Variants in KLF12 observed in about 807,000 individuals in gnomAD.
The protein encoded by KLF12 is KLF transcription factor 12.
KLF12 carries 9 observed loss-of-function variants against 37.8 expected under a neutral mutation model. That is an observed-to-expected ratio of 0.24 (90% CI 0.14 to 0.42). The LOEUF (loss-of-function observed/expected upper bound fraction) is 0.42. KLF12 is among the 10% of genes least tolerant of loss of function. The pLI is 1.00. For missense variants in KLF12, 411 were observed against 516.0 expected (o/e 0.80, Z 1.97); for synonymous variants, 208 against 202.1 (o/e 1.03, Z -0.25).
At chr13:74,159,727 GT>G in the KLF12 span, among the ~76,000 whole-genome samples, 4 of 151,974 alleles carry the variant, frequency 2.6e-5, no homozygotes, top group Non-Finnish European at 5.9e-5. Flanking sequence ...CTATCAAAAA[GT>G]TCTTTTTCAG....
At chr13:74,077,589 TC>T (rs1874641168) in intron 1 of KLF12, among the ~76,000 whole-genome samples, 1 of 152,168 alleles carries the variant, frequency 6.6e-6, no homozygotes, top group South Asian at 2.1e-4. Flanking sequence ...CTGACCCCCA[TC>T]ATTTGTGAGA....
intron 7 of KLF12, among the ~76,000 whole-genome samples, chr13:73,712,358 A>AAAAAAAAC (rs1555295381): frequency 6.9e-6 from 1 of 144,908 alleles, no homozygotes; most frequent in African/African-American, 2.7e-5. Context: ...AAAAAAAAAA[A>AAAAAAAAC]AAGGATTAGA....
intron 3 of KLF12, among the ~76,000 whole-genome samples, chr13:73,894,789 T>C (rs554332756): frequency 7.2e-5 from 11 of 152,356 alleles, no homozygotes; most frequent in African/African-American, 2.6e-4. Context: ...CCATTAAATA[T>C]ACTGTTGACT....
the KLF12 span, among the ~76,000 whole-genome samples, chr13:74,160,159 A>G: frequency 2.6e-5 from 4 of 152,326 alleles, no homozygotes; most frequent in African/African-American, 9.6e-5. Flanking sequence ...CTCCTCAGAG[A>G]GAACTGAACA....
rs142313694 is a variant in KLF12, at chr13:73,875,330, T to C, written c.124-28957A>G. On this transcript the variant is annotated intron_variant, in intron 3 of 7. Transcript: ENST00000377669. Reference sequence around the variant, plus strand: ...CTGCAAATTTATTTTCATTACGATATAGTTCTAATATTTTTGAAAATTTCC... The same window carrying C: ...CTGCAAATTTATTTTCATTACGATACAGTTCTAATATTTTTGAAAATTTCC... 4.0e-3 allele frequency among the ~76,000 whole-genome samples: 609 copies of C among 152,300 alleles called. 4 individuals carry two copies. Among genetic ancestry groups the C allele is most frequent in the African/African-American group, 0.01 (431 of 41,586 alleles).
intron 1 of KLF12, among the ~76,000 whole-genome samples, chr13:74,039,000 T>C (rs925058648): frequency 1.3e-5 from 2 of 149,946 alleles, no homozygotes; most frequent in African/African-American, 4.8e-5. Flanking sequence ...ATTTTTTTAA[T>C]ACAGCTATGG....
chr13:73,712,269 C>T (rs1013543000), intron 7 of KLF12, among the ~76,000 whole-genome samples: 7 of 136,196 alleles, frequency 5.1e-5, no homozygotes, highest in Admixed American at 2.5e-4. Flanking sequence ...AACTGGGAGG[C>T]GGAGGCTGAG....
chr13:74,042,257 T>C (rs1233432735), intron 1 of KLF12, among the ~76,000 whole-genome samples: 1 of 139,542 alleles, frequency 7.2e-6, no homozygotes, highest in Admixed American at 7.7e-5. Flanking sequence ...TGAGCTGAGA[T>C]AGCACCACTG....
At chr13:74,157,003 G>C in the KLF12 span, among the ~76,000 whole-genome samples, 1 of 152,128 alleles carries the variant, frequency 6.6e-6, no homozygotes. Context: ...TATTCTGTAT[G>C]TGTGTGTGAG....
At chr13:74,214,852 T>C in the KLF12 span, among the ~76,000 whole-genome samples, 1 of 152,126 alleles carries the variant, frequency 6.6e-6, no homozygotes, top group Admixed American at 6.5e-5. Context: ...TGGAGTGCAG[T>C]GGCAGGATCT....
intron 6 of KLF12, among the ~76,000 whole-genome samples, chr13:73,728,553 G>C (rs1876833763): frequency 6.6e-6 from 1 of 152,196 alleles, no homozygotes; most frequent in Non-Finnish European, 1.5e-5. Context: ...AAGTATGTTA[G>C]ACATGAGTTT....
intron 3 of KLF12, among the ~76,000 whole-genome samples, chr13:73,884,160 G>T (rs901440567): frequency 6.6e-6 from 1 of 152,192 alleles, no homozygotes; most frequent in African/African-American, 2.4e-5. Flanking sequence ...CTGGAAGGAA[G>T]ATATTAACAG....
intron 3 of KLF12, among the ~76,000 whole-genome samples, chr13:73,907,357 C>T (rs1423311741): frequency 6.6e-6 from 1 of 152,122 alleles, no homozygotes; most frequent in African/African-American, 2.4e-5. Context: ...ACATATTCTG[C>T]CTCCATTCAT....
At chr13:73,853,718 G>A (rs889188767) in intron 3 of KLF12, among the ~76,000 whole-genome samples, 4 of 143,162 alleles carry the variant, frequency 2.8e-5, no homozygotes, top group East Asian at 2.0e-4. Context: ...CAGCCTGGTC[G>A]ACAGAGTGAG....
intron 3 of KLF12, among the ~76,000 whole-genome samples, chr13:73,914,421 AC>A (rs1888716089): frequency 6.6e-6 from 1 of 152,162 alleles, no homozygotes; most frequent in Non-Finnish European, 1.5e-5. Flanking sequence ...ACTAACTCCT[AC>A]CTTGACTGTT....
chr13:73,752,360 G>A (rs151235157), intron 6 of KLF12, among the ~76,000 whole-genome samples: 50 of 143,412 alleles, frequency 3.5e-4, no homozygotes, highest in Non-Finnish European at 6.3e-4. Context: ...TTTTACCTTC[G>A]GATTTTCTTC....
chr13:73,756,081 G>A (rs1244147237), intron 6 of KLF12, among the ~76,000 whole-genome samples: 1 of 152,096 alleles, frequency 6.6e-6, no homozygotes, highest in Non-Finnish European at 1.5e-5. Flanking sequence ...ATGCTATGAA[G>A]AGTCTTACCT....
intron 1 of KLF12, among the ~76,000 whole-genome samples, chr13:74,057,129 T>C (rs902047609): frequency 1.3e-5 from 2 of 152,232 alleles, no homozygotes; most frequent in Admixed American, 6.5e-5. Context: ...TGGTCTAATA[T>C]TCGATTTCAG....
the KLF12 span, among the ~76,000 whole-genome samples, chr13:74,153,360 C>T: frequency 1.3e-5 from 2 of 152,220 alleles, no homozygotes; most frequent in Middle Eastern, 3.4e-3. Flanking sequence ...GAGGGACTGG[C>T]GAAAATATTG....
Sources: allele counts gnomAD v4.1 joint callset (sites outside exome capture counted in the v4.1 genomes callset), GRCh38; gene constraint gnomAD v4.1.1; transcripts MANE v1.5; gene names NCBI Gene and HGNC (gene_info 2026-07-23, HGNC 2026-07-21).